CEP85L: variants seen among roughly 807,000 people sequenced by gnomAD.
CEP85L encodes the protein centrosomal protein 85L, also known as centrosomal protein of 85 kDa-like.
In CEP85L, 60 loss-of-function variants were observed where a neutral mutation model predicts 100.3. That is an observed-to-expected ratio of 0.60 (90% CI 0.49 to 0.74). CEP85L has a LOEUF of 0.74. Among genes scored for constraint, CEP85L ranks in the 30% least tolerant of loss-of-function variants. The pLI, the probability that CEP85L is intolerant of heterozygous loss-of-function variation, is 0.00. For missense variants in CEP85L, 973 were observed against 936.2 expected, an observed-to-expected ratio of 1.04 and a Z score of -0.51; for synonymous variants, 319 against 322.7, an observed-to-expected ratio of 0.99 and a Z score of 0.12.
intron 3 of CEP85L, chr6:118,560,554 A>G (rs1387311367): frequency 6.0e-6 from 1 of 167,012 alleles, no homozygotes; most frequent in Non-Finnish European, 1.5e-5. Context: ...ATATTCATGT[A>G]TAAGTGGACC....
intron 2 of CEP85L, among the ~76,000 whole-genome samples, chr6:118,569,515 C>G (rs1779761082): frequency 2.0e-5 from 3 of 150,846 alleles, no homozygotes; most frequent in Admixed American, 6.6e-5. Flanking sequence ...AAAAAACATA[C>G]AGCCTTTTTA....
At chr6:118,637,101 T>A (rs1774537173) in intron 1 of CEP85L, among the ~76,000 whole-genome samples, 2 of 152,158 alleles carry the variant, frequency 1.3e-5, no homozygotes, top group Non-Finnish European at 2.9e-5. Flanking sequence ...TGATACCTAT[T>A]CCACAGATTT....
At chr6:118,620,925 T>C (rs1329716581) in intron 2 of CEP85L, among the ~76,000 whole-genome samples, 2 of 152,166 alleles carry the variant, frequency 1.3e-5, no homozygotes, top group Non-Finnish European at 2.9e-5. Context: ...TATCCAAAGC[T>C]GGAGCTATTA....
At chr6:118,475,130 T>C (rs1033027097) in intron 10 of CEP85L, among the ~76,000 whole-genome samples, 5 of 152,174 alleles carry the variant, frequency 3.3e-5, no homozygotes, top group African/African-American at 1.2e-4. Flanking sequence ...TATGAAATGT[T>C]TAAAATAGGT....
intron 1 of CEP85L, among the ~76,000 whole-genome samples, chr6:118,687,075 A>G (rs991840346): frequency 6.6e-6 from 1 of 152,184 alleles, no homozygotes; most frequent in African/African-American, 2.4e-5. Context: ...CTCAGGGCTC[A>G]TACATAGTCT....
intron 1 of CEP85L, among the ~76,000 whole-genome samples, chr6:118,701,054 C>T (rs189034739): frequency 6.6e-6 from 1 of 152,142 alleles, no homozygotes; most frequent in African/African-American, 2.4e-5. Flanking sequence ...AGACATAATC[C>T]CAAAGCCACA....
intron 1 of CEP85L, among the ~76,000 whole-genome samples, chr6:118,677,757 TAGG>T (rs1415657063): frequency 2.6e-5 from 4 of 152,200 alleles, no homozygotes; most frequent in Non-Finnish European, 5.9e-5. Context: ...GCCAAAGAAC[TAGG>T]AGACTTCCAT....
At chr6:118,530,307 A>C (rs1460010006) in intron 3 of CEP85L, among the ~76,000 whole-genome samples, 1 of 152,144 alleles carries the variant, frequency 6.6e-6, no homozygotes, top group Admixed American at 6.5e-5. Flanking sequence ...ATGGTTGAAA[A>C]AAATCAAAAG....
At chr6:118,707,983 G>C (rs1777654719) in intron 1 of CEP85L, among the ~76,000 whole-genome samples, 1 of 150,386 alleles carries the variant, frequency 6.6e-6, no homozygotes, top group South Asian at 2.1e-4. Context: ...GGGGGGGACG[G>C]GGGGGAAACA....
At chr6:118,504,490 A>C (rs980286662) in intron 5 of CEP85L, among the ~76,000 whole-genome samples, 2 of 152,196 alleles carry the variant, frequency 1.3e-5, no homozygotes, top group Non-Finnish European at 2.9e-5. Flanking sequence ...TCCCTCCTGA[A>C]GGGTGGCACC....
At chr6:118,552,990 A>T (rs923063949) in intron 3 of CEP85L, among the ~76,000 whole-genome samples, 21 of 152,216 alleles carry the variant, frequency 1.4e-4, no homozygotes, top group East Asian at 9.7e-4. Flanking sequence ...GTGTCAAAAC[A>T]ACCAATTTAT....
intron 1 of CEP85L, among the ~76,000 whole-genome samples, chr6:118,650,261 G>C (rs1775461016): frequency 6.6e-6 from 1 of 152,122 alleles, no homozygotes; most frequent in Non-Finnish European, 1.5e-5. Context: ...ATATAACTCA[G>C]TTTCTCAAAA....
In CEP85L at chr6:118,600,300, G is replaced by GGGGT. The variant is rs1562297733; in HGVS notation, c.232+32152_232+32153insACCC. On this transcript the variant is annotated intron_variant, in intron 2 of 12. Coordinates refer to ENST00000368491, the MANE Select transcript of CEP85L (RefSeq NM_001042475.3). ...CTGCCTGTCCCTGAGCCTTCCTGGG[G>GGGGT]GTGTGTGTGTGTGTGTGTGTGTGTG... Among the ~76,000 whole-genome samples the GGGGT allele has an allele frequency of 5.6e-4, 29 of 52,248 alleles. 4 individuals carry two copies. The highest frequency in any genetic ancestry group is 1.4e-3 in the South Asian group (2 of 1,420). 34.3% of individuals were successfully genotyped at this position (52,248 alleles called of 152,430 possible).
At chr6:118,636,124 C>A (rs939141072) in intron 1 of CEP85L, among the ~76,000 whole-genome samples, 1 of 152,174 alleles carries the variant, frequency 6.6e-6, no homozygotes. Context: ...TGTAATAAAA[C>A]TTTATTTACA....
intron 3 of CEP85L, among the ~76,000 whole-genome samples, chr6:118,538,242 G>GT (rs1317663499): frequency 2.0e-5 from 3 of 151,852 alleles, no homozygotes; most frequent in African/African-American, 7.2e-5. Context: ...AGAAGAAACT[G>GT]TTTTTAATAA....
chr6:118,590,129 C>T (rs1488978937), intron 2 of CEP85L, among the ~76,000 whole-genome samples: 1 of 151,990 alleles, frequency 6.6e-6, no homozygotes, highest in Non-Finnish European at 1.5e-5. Context: ...GCTAATGAGT[C>T]CTGGTCAAGC....
At chr6:118,524,151 G>A (rs945993022) in intron 3 of CEP85L, among the ~76,000 whole-genome samples, 1 of 152,054 alleles carries the variant, frequency 6.6e-6, no homozygotes, top group Non-Finnish European at 1.5e-5. Context: ...CGTTTATCCT[G>A]GCAAATTATA....
Position 118,651,444 on chromosome 6 carries a change from T to G in CEP85L, c.-175A>C. The G allele has an allele frequency of 7.6e-7, 1 of 1,322,776 alleles. No individual in the cohort carries two copies. Among genetic ancestry groups the G allele is most frequent in the Non-Finnish European group, 9.6e-7 (1 of 1,039,662 alleles). The allele number at this position is 1,322,776 out of a possible 1,614,324, so 81.9% of individuals were successfully genotyped here. ...ACGGGCGGGGAGCGCAGGGGCCAGA[T>G]TCGCCGCACTGCCGGCGCCTGCCAT... On this transcript the variant is annotated 5_prime_UTR_variant, in exon 1 of 13. Coordinates refer to ENST00000368491, the MANE Select transcript of CEP85L (RefSeq NM_001042475.3).
At chr6:118,642,551 G>A (rs1264352776) in intron 1 of CEP85L, among the ~76,000 whole-genome samples, 3 of 152,136 alleles carry the variant, frequency 2.0e-5, no homozygotes, top group Non-Finnish European at 2.9e-5. Flanking sequence ...CATCAAGTAA[G>A]TATACTTTCT....
Sources: allele counts gnomAD v4.1 joint callset (sites outside exome capture counted in the v4.1 genomes callset), GRCh38; gene constraint gnomAD v4.1.1; transcripts MANE v1.5; gene names NCBI Gene and HGNC (gene_info 2026-07-23, HGNC 2026-07-21).